The following ZNF790 variants were observed in gnomAD, a reference collection of about 807,000 sequenced individuals.
The protein encoded by ZNF790 is zinc finger protein 790.
Under a neutral mutation model 12.1 loss-of-function variants are expected in ZNF790, and 8 were observed. The ratio of observed to expected loss-of-function variants is 0.66; its 90% CI spans 0.39 to 1.19. The LOEUF (loss-of-function observed/expected upper bound fraction) is 1.19. Ranked by LOEUF, ZNF790 falls within the 50% of genes most tolerant of loss-of-function variation. The probability of loss-of-function intolerance (pLI) is 0.01; values close to 1 mark genes in which losing one functional copy is unlikely to be tolerated. For synonymous variants in ZNF790, 252 were observed against 244.3 expected, an observed-to-expected ratio of 1.03 and a Z score of -0.29; for missense variants, 707 against 752.2, an observed-to-expected ratio of 0.94 and a Z score of 0.70.
At chr19:36,836,726 C>G (rs900653700) in intron 1 of ZNF790, among the ~76,000 whole-genome samples, 2 of 152,144 alleles carry the variant, frequency 1.3e-5, no homozygotes, top group Non-Finnish European at 2.9e-5. Flanking sequence ...CCACTGCACT[C>G]CAGCCTGGTG....
upstream of ZNF790, among the ~76,000 whole-genome samples, chr19:36,841,420 G>A (rs530614298): frequency 3.3e-5 from 5 of 152,282 alleles, no homozygotes; most frequent in South Asian, 6.2e-4. Context: ...AGGAGTTTGA[G>A]ACCAGCCTGG....
chr19:36,844,326 C>CA (rs1184050556), intron 1 of ZNF790, among the ~76,000 whole-genome samples: 9 of 136,230 alleles, frequency 6.6e-5, no homozygotes, highest in African/African-American at 2.3e-4. Flanking sequence ...CAAAACAAAA[C>CA]AAAAAACAAA....
chr19:36,825,281 A>ATGTCCCC (rs1415252141), intron 2 of ZNF790, among the ~76,000 whole-genome samples: 1 of 152,222 alleles, frequency 6.6e-6, no homozygotes, highest in Non-Finnish European at 1.5e-5. Context: ...TTTATGTAGT[A>ATGTCCCC]TGTCCCCTTT....
At chr19:36,826,516 G>T (rs942697630) in intron 1 of ZNF790, among the ~76,000 whole-genome samples, 1 of 150,948 alleles carries the variant, frequency 6.6e-6, no homozygotes, top group African/African-American at 2.4e-5. Flanking sequence ...CCAGGAGTTG[G>T]AGGTTGCAGT....
In ZNF790 at chr19:36,819,465, A is replaced by G; in HGVS notation, c.879T>C (p.Cys293=). The part of the protein sequence containing the change: ...ECKECGKAFS[C]GSDLTRHQRI... Reference sequence around the variant, plus strand: ...TCTGATGTCGAGTAAGATCTGAGCCACAACTAAAGGCCTTCCCACATTCCT... The same window carrying G: ...TCTGATGTCGAGTAAGATCTGAGCCGCAACTAAAGGCCTTCCCACATTCCT... Residue 293 remains cysteine (C), a synonymous_variant, in exon 5 of 5, where the codon TGT becomes TGC. Coordinates refer to ENST00000356725, the MANE Select transcript of ZNF790 (RefSeq NM_206894.4). 2 of 1,610,436 alleles carry G rather than the reference A, an allele frequency of 1.2e-6. No individual in the cohort carries two copies. Among genetic ancestry groups the G allele is most frequent in the Non-Finnish European group, 1.7e-6 (2 of 1,177,878 alleles).
intron 1 of ZNF790, among the ~76,000 whole-genome samples, chr19:36,843,971 C>A (rs928844462): frequency 6.2e-5 from 9 of 144,606 alleles, no homozygotes; most frequent in Non-Finnish European, 1.2e-4. Flanking sequence ...TGCACCATTG[C>A]ACTCCAGCCT....
chr19:36,832,480 C>G (rs527272775), intron 1 of ZNF790, among the ~76,000 whole-genome samples: 108 of 152,276 alleles, frequency 7.1e-4, no homozygotes, highest in Non-Finnish European at 1.4e-3. Context: ...AACCAGTTGA[C>G]GTATCACAGG....
At chr19:36,833,331 CAG>C (rs1357055148) in intron 1 of ZNF790, among the ~76,000 whole-genome samples, 8 of 152,160 alleles carry the variant, frequency 5.3e-5, no homozygotes, top group Non-Finnish European at 7.3e-5. Context: ...TTAGTAGAGA[CAG>C]AGTTTCACCA....
chr19:36,822,510 T>A (rs1036685275), intron 4 of ZNF790, among the ~76,000 whole-genome samples: 1 of 141,736 alleles, frequency 7.1e-6, no homozygotes, highest in African/African-American at 2.7e-5. Flanking sequence ...CAGGCCCTTA[T>A]TAAAGTGTTT....
chr19:36,835,303 A>G (rs1458288297), intron 1 of ZNF790, among the ~76,000 whole-genome samples: 1 of 152,160 alleles, frequency 6.6e-6, no homozygotes, highest in Non-Finnish European at 1.5e-5. Flanking sequence ...ATAAAATAAA[A>G]TAAAATTTCA....
chr19:36,844,024 TAA>T (rs34610511), intron 1 of ZNF790, among the ~76,000 whole-genome samples: 4 of 96,372 alleles, frequency 4.2e-5, no homozygotes, highest in African/African-American at 7.1e-5. Context: ...AAAAAAAAAT[TAA>T]AAAAAAAAAA....
intron 4 of ZNF790, among the ~76,000 whole-genome samples, chr19:36,820,319 A>G (rs2071640446): frequency 6.6e-6 from 1 of 152,248 alleles, no homozygotes; most frequent in Admixed American, 6.5e-5. Flanking sequence ...GATGAGAAAT[A>G]TGTTTTATTT....
chr19:36,842,330 A>T (rs2072136674), upstream of ZNF790, among the ~76,000 whole-genome samples: 1 of 152,306 alleles, frequency 6.6e-6, no homozygotes, highest in South Asian at 2.1e-4. Flanking sequence ...CGGAAATAAA[A>T]AGATAGATAC....
At chr19:36,826,051 G>C (rs1384222993) in intron 1 of ZNF790, among the ~76,000 whole-genome samples, 1 of 152,192 alleles carries the variant, frequency 6.6e-6, no homozygotes, top group East Asian at 1.9e-4. Flanking sequence ...TCATAGGTTT[G>C]CTGAATGCAA....
In ZNF790 at chr19:36,818,501, T is replaced by A. The variant is rs778277456; in HGVS notation, c.1843A>T (p.Lys615Ter). The change falls in exon 5 of 5, where the codon AAA (lysine) becomes TAA (stop). Residue 615 changes from lysine to a stop codon, truncating the protein, a stop_gained. Coordinates refer to ENST00000356725, the MANE Select transcript of ZNF790 (RefSeq NM_206894.4). LOFTEE classifies it low-confidence loss of function (END_TRUNC). ...TCAAAATCTTTAAATTCATAGGATTTCTCAAAAGTGTAAATATTCTGGTGT... is the reference window on the plus strand; with the variant it reads ...TCAAAATCTTTAAATTCATAGGATTACTCAAAAGTGTAAATATTCTGGTGT... Reference protein sequence around the residue: ...AQHQNIYTFEKSYEFKDFEKA... With the variant: ...AQHQNIYTFE The A allele has an allele frequency of 3.8e-6, 6 of 1,589,458 alleles. No homozygotes were observed. Among genetic ancestry groups the A allele is most frequent in the Non-Finnish European group, 5.2e-6 (6 of 1,163,930 alleles).
At position 36,831,139 on chromosome 19, in the gene ZNF790, AAACAAC is replaced by A. The variant is rs72531460; in HGVS notation, c.-73-5453_-73-5448del. 2.3e-3 allele frequency among the ~76,000 whole-genome samples: 343 copies of A among 150,956 alleles called. 3 individuals are homozygous for A. The highest frequency in any genetic ancestry group is 7.7e-3 in the African/African-American group (315 of 41,028). ...AGCAACAGAGCAAGACTCCATCTCA[AAACAAC>A]AACAACAACAACAACAAAAAACACA... On this transcript the variant is annotated intron_variant, in intron 1 of 4. Coordinates refer to ENST00000356725, the MANE Select transcript of ZNF790 (RefSeq NM_206894.4).
chr19:36,843,556 A>T (rs1363327355), intron 1 of ZNF790, among the ~76,000 whole-genome samples: 1 of 152,200 alleles, frequency 6.6e-6, no homozygotes, highest in Non-Finnish European at 1.5e-5. Context: ...AATGAAGGTC[A>T]TCAGCCCCTA....
At position 36,819,991 on chromosome 19, in the gene ZNF790, C is replaced by A. The variant is rs745538231; in HGVS notation, c.353G>T (p.Arg118Ile). 7.4e-6 allele frequency: 12 copies of A among 1,614,028 alleles called. No homozygotes were observed. Among genetic ancestry groups the A allele is most frequent in the Non-Finnish European group, 1.0e-5 (12 of 1,180,020 alleles). Residue 118 changes from arginine to isoleucine, a missense_variant, in exon 5 of 5, where the codon AGA becomes ATA. Transcript: ENST00000356725. ...CTGAGTGTTGCCTTCCCAGTCACCT[C>A]TAAAACATAAACAGTCAAGGCTGTG... ...KNHSLDCLCFRGDWEGNTQFQ... is the reference protein window; with the variant it reads ...KNHSLDCLCFIGDWEGNTQFQ...
At chr19:36,830,111 G>T (rs2071917994) in intron 1 of ZNF790, among the ~76,000 whole-genome samples, 1 of 151,944 alleles carries the variant, frequency 6.6e-6, no homozygotes, top group African/African-American at 2.4e-5. Context: ...TCCTTGTCTG[G>T]TCCCTGATCT....
Sources: allele counts gnomAD v4.1 joint callset (sites outside exome capture counted in the v4.1 genomes callset), GRCh38; gene constraint gnomAD v4.1.1; transcripts MANE v1.5; gene names NCBI Gene and HGNC (gene_info 2026-07-23, HGNC 2026-07-21).